The following CCDC152 variants were observed in gnomAD, a reference collection of about 807,000 sequenced individuals.
CCDC152 encodes coiled-coil domain containing 152.
Under a neutral mutation model 38.1 loss-of-function variants are expected in CCDC152, and 37 were observed. The observed-to-expected ratio is 0.97, with a 90% CI of 0.75 to 1.28. The LOEUF (loss-of-function observed/expected upper bound fraction) is 1.28, where lower values mean the gene tolerates loss of function less well. Ranked by LOEUF, CCDC152 falls within the 50% of genes most tolerant of loss-of-function variation. The pLI is 0.00. For synonymous variants in CCDC152, 83 were observed against 87.1 expected (o/e 0.95, Z 0.26); for missense variants, 259 against 292.1 (o/e 0.89, Z 0.83).
chr5:42,781,329 A>C (rs1315952127), intron 5 of CCDC152, among the ~76,000 whole-genome samples: 3 of 152,128 alleles, frequency 2.0e-5, no homozygotes, highest in Non-Finnish European at 2.9e-5. Flanking sequence ...CGAGAAGTTG[A>C]ATAGCTTTGT....
At chr5:42,774,127 G>A (rs898470669) in intron 4 of CCDC152, among the ~76,000 whole-genome samples, 4 of 152,156 alleles carry the variant, frequency 2.6e-5, no homozygotes, top group Admixed American at 2.6e-4. Context: ...TCTAAAATTG[G>A]AGACAGGGAG....
At chr5:42,765,848 C>T (rs1759617215) in intron 3 of CCDC152, among the ~76,000 whole-genome samples, 1 of 152,152 alleles carries the variant, frequency 6.6e-6, no homozygotes, top group African/African-American at 2.4e-5. Flanking sequence ...GGACATTGGT[C>T]TGGGCAAAGA....
intron 2 of CCDC152, among the ~76,000 whole-genome samples, chr5:42,760,075 C>A (rs1213211692): frequency 6.6e-6 from 1 of 151,822 alleles, no homozygotes; most frequent in East Asian, 1.9e-4. Context: ...GATGCCGAGG[C>A]GGGCGGATCA....
At chr5:42,782,481 T>A (rs1329017854) in intron 5 of CCDC152, among the ~76,000 whole-genome samples, 2 of 152,136 alleles carry the variant, frequency 1.3e-5, no homozygotes, top group African/African-American at 4.8e-5. Flanking sequence ...ATCTTTCTTA[T>A]GGAATTCATG....
intron 5 of CCDC152, among the ~76,000 whole-genome samples, chr5:42,782,207 A>G (rs1759855651): frequency 6.6e-6 from 1 of 152,240 alleles, no homozygotes; most frequent in African/African-American, 2.4e-5. Context: ...TTTTGGAAAC[A>G]GAAGTTCAGC....
At chr5:42,769,261 A>T (rs1056784158) in intron 3 of CCDC152, among the ~76,000 whole-genome samples, 28 of 151,930 alleles carry the variant, frequency 1.8e-4, no homozygotes, top group African/African-American at 6.3e-4. Context: ...AAAAAAAAAA[A>T]TTATATTTTT....
chr5:42,787,104 G>GA lies in CCDC152; in HGVS notation c.430+3534dup, dbSNP rs542550876. Among the ~76,000 whole-genome samples, 22 of 152,078 alleles carry GA rather than the reference G, an allele frequency of 1.4e-4. No individual in the cohort carries two copies. In the South Asian group the frequency reaches 4.4e-3, roughly 30 times the overall value. On this transcript the variant is annotated intron_variant, in intron 6 of 8. Transcript: ENST00000361970. The stretch of plus-strand genomic sequence containing the variant: ...TAGACAATGTTCTATGCACAGATGA[G>GA]AAAAAATGTATATTCTGCAGTTGTT...
chr5:42,801,686 G>C lies in CCDC152; in HGVS notation c.*1905G>C. 1 of 278,802 alleles carries C rather than the reference G, an allele frequency of 3.6e-6. No homozygotes were observed. Among genetic ancestry groups the C allele is most frequent in the South Asian group, 1.5e-4 (1 of 6,726 alleles). The allele number at this position is 278,802 out of a possible 1,614,324, so 17.3% of individuals were successfully genotyped here. On this transcript the variant is annotated 3_prime_UTR_variant, in exon 9 of 9. Transcript: ENST00000361970. The stretch of plus-strand genomic sequence containing the variant: ...AATCCCACCACTTTGGGTGGCCGAG[G>C]GGGGCAGATTACTTGGGCTCAGGAG...
At chr5:42,774,334 G>C (rs1759742470) in intron 4 of CCDC152, among the ~76,000 whole-genome samples, 1 of 152,182 alleles carries the variant, frequency 6.6e-6, no homozygotes, top group African/African-American at 2.4e-5. Flanking sequence ...GCTCTACTAA[G>C]ATCTCACAGT....
intron 5 of CCDC152, among the ~76,000 whole-genome samples, chr5:42,779,766 A>G (rs999098638): frequency 6.6e-6 from 1 of 151,834 alleles, no homozygotes; most frequent in African/African-American, 2.4e-5. Context: ...AACTTGCATT[A>G]CTTTTTCTTT....
At chr5:42,790,698 T>G (rs1759987268) in intron 6 of CCDC152, among the ~76,000 whole-genome samples, 1 of 151,260 alleles carries the variant, frequency 6.6e-6, no homozygotes, top group African/African-American at 2.4e-5. Context: ...GGGAAAGTGT[T>G]AGATTGTAAC....
chr5:42,783,691 A>G (rs1470261792), intron 6 of CCDC152, 115 bp downstream of exon 6: 3 of 337,692 alleles, frequency 8.9e-6, no homozygotes, highest in Non-Finnish European at 1.0e-5. Flanking sequence ...GAACTCATCA[A>G]TTATATAGTG....
intron 2 of CCDC152, among the ~76,000 whole-genome samples, chr5:42,759,729 C>T (rs1244576464): frequency 6.6e-6 from 1 of 152,078 alleles, no homozygotes; most frequent in East Asian, 1.9e-4. Flanking sequence ...GTAGCCACCT[C>T]GGTTATCAGA....
Position 42,801,025 on chromosome 5 carries a change from A to G in CCDC152, c.*1244A>G, listed in dbSNP as rs770524114. ...AATTTACAGAGTAATTGATTTATAC[A>G]TCTCTTTCGACAGAGCTTCTTTTGT... is the stretch of plus-strand genomic sequence containing the variant. On this transcript the variant is annotated 3_prime_UTR_variant, in exon 9 of 9. Coordinates refer to ENST00000361970, the MANE Select transcript of CCDC152 (RefSeq NM_001134848.2). The G allele has an allele frequency of 2.5e-6, 4 of 1,614,172 alleles. No individual in the cohort carries two copies. The Middle Eastern group carries it at 4.9e-4, about 200-fold the overall frequency.
intron 2 of CCDC152, among the ~76,000 whole-genome samples, chr5:42,760,392 CTG>C (rs1451318667): frequency 6.6e-6 from 1 of 151,438 alleles, no homozygotes; most frequent in African/African-American, 2.4e-5. Flanking sequence ...ATATTTCAAT[CTG>C]TTATTATAAC....
chr5:42,771,015 A>G (rs867208512), intron 4 of CCDC152, among the ~76,000 whole-genome samples: 79 of 152,294 alleles, frequency 5.2e-4, no homozygotes, highest in South Asian at 2.1e-3. Flanking sequence ...TAGTTCTAAT[A>G]GGTTTTCTAA....
chr5:42,774,159 T>C (rs1295269819), intron 4 of CCDC152, among the ~76,000 whole-genome samples: 1 of 152,170 alleles, frequency 6.6e-6, no homozygotes, highest in African/African-American at 2.4e-5. Flanking sequence ...GAATCACAAC[T>C]TAACAAGAGC....
At chr5:42,769,704 T>C in intron 4 of CCDC152, 39 bp downstream of exon 4, 1 of 1,459,588 alleles carries the variant, frequency 6.9e-7, no homozygotes, top group Non-Finnish European at 9.1e-7. Flanking sequence ...AAAAGCATTG[T>C]GTATTTGAGC....
At chr5:42,779,032 G>T (rs751287582) in intron 4 of CCDC152, among the ~76,000 whole-genome samples, 1 of 152,118 alleles carries the variant, frequency 6.6e-6, no homozygotes, top group African/African-American at 2.4e-5. Context: ...ATTCACTCAA[G>T]CCCATGGTCT....
Sources: gnomAD v4.1 joint callset for allele counts (sites outside exome capture counted in the v4.1 genomes callset) on GRCh38, gnomAD v4.1.1 for gene constraint, MANE v1.5 for transcripts, NCBI Gene and HGNC (gene_info 2026-07-23, HGNC 2026-07-21) for gene names.